Variants in OGDH observed in about 807,000 individuals in gnomAD.
OGDH encodes oxoglutarate dehydrogenase, also known as 2-oxoglutarate dehydrogenase complex component E1.
OGDH carries 38 observed loss-of-function variants against 116.6 expected under a neutral mutation model. That is an observed-to-expected ratio of 0.33 (90% CI 0.25 to 0.43). The LOEUF (loss-of-function observed/expected upper bound fraction) is 0.43. OGDH is among the 20% of genes least tolerant of loss of function. The pLI, the probability that OGDH is intolerant of heterozygous loss-of-function variation, is 1.00. For missense variants in OGDH, 825 were observed against 1,357.2 expected (o/e 0.61, Z 6.16); for synonymous variants, 488 against 533.3 (o/e 0.92, Z 1.17).
At chr7:44,698,359 ACCGTG>A (rs749563399) in intron 18 of OGDH, 96 bp downstream of exon 18, 9 of 1,282,824 alleles carry the variant, frequency 7.0e-6, no homozygotes, top group Non-Finnish European at 1.0e-5. Context: ...GAAGTGGCAG[ACCGTG>A]CCTCTGTCCC....
chr7:44,620,795 G>C (rs984870064), intron 1 of OGDH, among the ~76,000 whole-genome samples: 2 of 151,958 alleles, frequency 1.3e-5, no homozygotes, highest in African/African-American at 4.8e-5. Context: ...GTTAGTGTTA[G>C]TGTATTTTAT....
At chr7:44,652,007 T>A (rs1786469886) in intron 4 of OGDH, among the ~76,000 whole-genome samples, 1 of 151,410 alleles carries the variant, frequency 6.6e-6, no homozygotes, top group Non-Finnish European at 1.5e-5. Flanking sequence ...CCCAGCCTAG[T>A]GATTATTTTC....
intron 4 of OGDH, chr7:44,656,480 T>C: frequency 2.3e-6 from 2 of 855,990 alleles, no homozygotes; most frequent in East Asian, 5.3e-5. Flanking sequence ...TCACGTGTTT[T>C]TAAGTTTGTT....
At chr7:44,656,780 C>T (rs1786710096) in intron 4 of OGDH, among the ~76,000 whole-genome samples, 1 of 152,162 alleles carries the variant, frequency 6.6e-6, no homozygotes. Context: ...CCAGATTCTG[C>T]TTCCTGGGCA....
chr7:44,698,091 AG>A, intron 17 of OGDH, 100 bp from the exon 18 acceptor site: 1 of 1,353,118 alleles, frequency 7.4e-7, no homozygotes, highest in Non-Finnish European at 1.0e-6. Context: ...TCAAGAAAAA[AG>A]ATAACCAGAA....
intron 4 of OGDH, among the ~76,000 whole-genome samples, chr7:44,659,651 T>A (rs1023953095): frequency 2.0e-5 from 3 of 152,216 alleles, no homozygotes; most frequent in African/African-American, 7.2e-5. Flanking sequence ...TTATTTCATC[T>A]AAGTTGTCAA....
At chr7:44,700,053 T>C (rs1788758261) in intron 18 of OGDH, 88 bp from the exon 19 acceptor site, 4 of 1,413,440 alleles carry the variant, frequency 2.8e-6, no homozygotes, top group African/African-American at 1.4e-5. Context: ...GGGACAAATA[T>C]CCAAACTAGA....
intron 1 of OGDH, among the ~76,000 whole-genome samples, chr7:44,615,546 T>C (rs1784737226): frequency 2.0e-5 from 3 of 152,184 alleles, no homozygotes. Context: ...GGATATTTCC[T>C]GTGGAATTTG....
Position 44,674,399 on chromosome 7 carries a change from T to C in OGDH, c.789-12T>C. On this transcript the variant is annotated splice_polypyrimidine_tract_variant and intron_variant, in intron 6 of 22. Coordinates refer to ENST00000222673, the MANE Select transcript of OGDH (RefSeq NM_002541.4). ...GACATTGCCCTTCAAGGTGGCTTGG[T>C]TCCCTGTCCAGGTTTGAGGAGTTCC... 1 of 1,613,910 alleles carries C rather than the reference T, an allele frequency of 6.2e-7. No homozygotes were observed. The highest frequency in any genetic ancestry group is 8.5e-7 in the Non-Finnish European group (1 of 1,179,898).
intron 1 of OGDH, among the ~76,000 whole-genome samples, chr7:44,618,083 T>C (rs985111129): frequency 7.2e-5 from 11 of 152,206 alleles, no homozygotes; most frequent in Non-Finnish European, 8.8e-5. Flanking sequence ...CTAATTTTCC[T>C]TTGGTTTTTA....
At chr7:44,655,416 T>C (rs1786645243) in intron 4 of OGDH, among the ~76,000 whole-genome samples, 1 of 152,190 alleles carries the variant, frequency 6.6e-6, no homozygotes, top group African/African-American at 2.4e-5. Flanking sequence ...GACTAGCCCC[T>C]GTCACAGCCC....
chr7:44,645,293 C>T (rs764307470), intron 2 of OGDH, 34 bp from the exon 3 acceptor site: 3 of 1,587,132 alleles, frequency 1.9e-6, no homozygotes, highest in Non-Finnish European at 2.6e-6. Context: ...CTTAGGGGAG[C>T]AGTGAGGTAA....
chr7:44,681,011 A>G (rs1442722891), intron 9 of OGDH, among the ~76,000 whole-genome samples: 1 of 152,248 alleles, frequency 6.6e-6, no homozygotes, highest in Non-Finnish European at 1.5e-5. Context: ...TCTTCCTTGC[A>G]GAGAATGCCA....
At chr7:44,682,371 G>A (rs1787962983) in intron 10 of OGDH, among the ~76,000 whole-genome samples, 1 of 150,798 alleles carries the variant, frequency 6.6e-6, no homozygotes, top group South Asian at 2.1e-4. Flanking sequence ...GACAACAAGA[G>A]CGAAACTCCA....
chr7:44,635,512 CTTG>C (rs1785627254), intron 2 of OGDH, among the ~76,000 whole-genome samples: 1 of 151,950 alleles, frequency 6.6e-6, no homozygotes, highest in Non-Finnish European at 1.5e-5. Context: ...GTGGGCTGGG[CTTG>C]TTCTGTGGCT....
At chr7:44,666,700 C>T in intron 4 of OGDH, 36 bp from the exon 5 acceptor site, 1 of 1,303,752 alleles carries the variant, frequency 7.7e-7, no homozygotes, top group African/African-American at 1.5e-5. Context: ...CCCCATCCCT[C>T]CTCATCTGGC....
At chr7:44,671,871 CA>C (rs1376901429) in intron 5 of OGDH, among the ~76,000 whole-genome samples, 1 of 151,674 alleles carries the variant, frequency 6.6e-6, no homozygotes, top group Non-Finnish European at 1.5e-5. Flanking sequence ...AGATCAAGAC[CA>C]TCATGGCTAA....
chr7:44,636,937 G>A lies in OGDH; in HGVS notation c.223-8390G>A, dbSNP rs187019896. ...AAGTTGGCTGTGAGTGGGGTGGGGG[G>A]GCACACAAGCTCCCTGCCTGCGAAC... On this transcript the variant is annotated intron_variant, in intron 2 of 22. Coordinates refer to ENST00000222673, the MANE Select transcript of OGDH (RefSeq NM_002541.4). Among the ~76,000 whole-genome samples the A allele has an allele frequency of 4.9e-4, 75 of 152,182 alleles. 1 individual carries two copies. In the Middle Eastern group the frequency reaches 0.024, roughly 48 times the overall value.
At chr7:44,637,418 A>AT (rs1785718792) in intron 2 of OGDH, among the ~76,000 whole-genome samples, 1 of 152,226 alleles carries the variant, frequency 6.6e-6, no homozygotes, top group Admixed American at 6.5e-5. Flanking sequence ...TAAGAAGCTC[A>AT]TTTTAGTCAT....
Sources: gnomAD v4.1 joint callset for allele counts (sites outside exome capture counted in the v4.1 genomes callset) on GRCh38, gnomAD v4.1.1 for gene constraint, MANE v1.5 for transcripts, NCBI Gene and HGNC (gene_info 2026-07-23, HGNC 2026-07-21) for gene names.